DLGAP1: variants seen among roughly 807,000 people sequenced by gnomAD.
DLGAP1 encodes DLG associated protein 1.
DLGAP1 carries 11 observed loss-of-function variants against 90.8 expected under a neutral mutation model. The observed-to-expected ratio is 0.12, with a 90% CI of 0.08 to 0.20. The LOEUF is 0.20. Among genes scored for constraint, DLGAP1 ranks in the 10% least tolerant of loss-of-function variants. The pLI is 1.00. For missense variants in DLGAP1, 1,050 were observed against 1,333.8 expected, an observed-to-expected ratio of 0.79 and a Z score of 3.31; for synonymous variants, 558 against 540.7, an observed-to-expected ratio of 1.03 and a Z score of -0.44.
chr18:4,138,239 G>A (rs1396930954), intron 2 of DLGAP1, among the ~76,000 whole-genome samples: 1 of 152,024 alleles, frequency 6.6e-6, no homozygotes, highest in East Asian at 1.9e-4. Flanking sequence ...AATACTAGGT[G>A]TGGGTCTGTC....
At chr18:4,389,681 T>C (rs983991160) in intron 1 of DLGAP1, among the ~76,000 whole-genome samples, 7 of 152,214 alleles carry the variant, frequency 4.6e-5, no homozygotes, top group Admixed American at 1.3e-4. Flanking sequence ...GTACCTTTTA[T>C]AGTCAAAATA....
At chr18:4,208,132 C>A (rs1269415673) in intron 1 of DLGAP1, among the ~76,000 whole-genome samples, 1 of 152,264 alleles carries the variant, frequency 6.6e-6, no homozygotes, top group African/African-American at 2.4e-5. Context: ...ATTCTTGATA[C>A]AACAATCAGA....
At chr18:4,103,684 G>A (rs1252727064) in intron 2 of DLGAP1, among the ~76,000 whole-genome samples, 1 of 152,088 alleles carries the variant, frequency 6.6e-6, no homozygotes, top group Non-Finnish European at 1.5e-5. Flanking sequence ...TTATTGATAA[G>A]CACTTAATGT....
rs1333636136 is a variant in DLGAP1, at chr18:3,582,101, A to C, written c.1739T>G (p.Ile580Ser). 2 of 1,613,002 alleles carry C rather than the reference A, an allele frequency of 1.2e-6. No individual in the cohort carries two copies. Among genetic ancestry groups the C allele is most frequent in the Non-Finnish European group, 1.7e-6 (2 of 1,179,824 alleles). The change falls in exon 8 of 13, where the codon ATT becomes AGT. Residue 580 changes from isoleucine (I) to serine (S), a missense_variant. Ile to Ser is a moderately radical substitution (Grantham distance 142, BLOSUM62 -2). Coordinates refer to ENST00000315677, the MANE Select transcript of DLGAP1 (RefSeq NM_004746.4). The stretch of plus-strand genomic sequence containing the variant: ...GTTGCTGAGTCCAGACTGGCTGATA[A>C]TATCTCCTCGCTGGCCCTGTCCGTC... ...YMDGQGQRGD[I>S]ISQSGLSNST...
chr18:3,576,651 G>C (rs781474919), intron 8 of DLGAP1, among the ~76,000 whole-genome samples: 24 of 148,926 alleles, frequency 1.6e-4, no homozygotes, highest in Non-Finnish European at 2.7e-4. Context: ...TGCAACCTTC[G>C]CCTCCCAGGT....
chr18:3,828,032 G>A (rs983507006), intron 4 of DLGAP1, among the ~76,000 whole-genome samples: 75 of 152,252 alleles, frequency 4.9e-4, no homozygotes, highest in African/African-American at 1.7e-3. Context: ...TGGGCTCCTT[G>A]GTCTTTAGTT....
At position 4,256,400 on chromosome 18, in the gene DLGAP1, TAATAAATA is replaced by T. The variant is rs1031416670; in HGVS notation, c.-266-105121_-266-105114del. Reference sequence around the variant, plus strand: ...GGGTGACACAGTGAGATCCCCTCTATAATAAATAAATAAATACATAAAATAAAACAAAA... The same window carrying T: ...GGGTGACACAGTGAGATCCCCTCTATAATAAATACATAAAATAAAACAAAA... On this transcript the variant is annotated intron_variant, in intron 1 of 12. Transcript: ENST00000315677. Among the ~76,000 whole-genome samples, 3 of 152,236 alleles carry T rather than the reference TAATAAATA, an allele frequency of 2.0e-5. No individual in the cohort carries two copies. The South Asian group carries it at 6.2e-4, about 32-fold the overall frequency.
At chr18:3,691,362 A>G (rs2060889985) in intron 7 of DLGAP1, among the ~76,000 whole-genome samples, 1 of 151,250 alleles carries the variant, frequency 6.6e-6, no homozygotes, top group South Asian at 2.1e-4. Context: ...TGGGAGATGG[A>G]GGTTGCAGTG....
In DLGAP1 at chr18:3,983,392, T is replaced by C. The variant is rs1008689063; in HGVS notation, c.-73+21724A>G. The stretch of plus-strand genomic sequence containing the variant: ...CCAAATAAAGCTCATTTGCCTGATG[T>C]ACTCACTATGTGTCAGTATCTGCTT... On this transcript the variant is annotated intron_variant, in intron 3 of 12. Transcript: ENST00000315677. 5.9e-5 allele frequency: 9 copies of C among 152,234 alleles called. No individual in the cohort carries two copies. In the South Asian group the frequency reaches 6.2e-4, roughly 11 times the overall value. The allele number at this position is 152,234 out of a possible 1,614,324, so 9.4% of individuals were successfully genotyped here. A position where few individuals can be genotyped will look rare whatever the true frequency, so the allele number is the denominator to read the frequency against.
At chr18:3,870,739 G>C (rs1296892448) in intron 4 of DLGAP1, among the ~76,000 whole-genome samples, 1 of 152,062 alleles carries the variant, frequency 6.6e-6, no homozygotes, top group Non-Finnish European at 1.5e-5. Flanking sequence ...GATTTCAAAG[G>C]AGTGGAAGAT....
intron 1 of DLGAP1, among the ~76,000 whole-genome samples, chr18:4,246,448 T>G (rs1277015994): frequency 1.3e-5 from 2 of 152,148 alleles, no homozygotes; most frequent in African/African-American, 4.8e-5. Context: ...TGGGATATGG[T>G]CACACCTTTG....
intron 8 of DLGAP1, among the ~76,000 whole-genome samples, chr18:3,573,137 A>G (rs2054905237): frequency 6.6e-6 from 1 of 152,188 alleles, no homozygotes; most frequent in South Asian, 2.1e-4. Context: ...TAAGCATGTT[A>G]TTCCATAATT....
chr18:4,397,678 T>C (rs1343362090), intron 1 of DLGAP1, among the ~76,000 whole-genome samples: 1 of 152,212 alleles, frequency 6.6e-6, no homozygotes, highest in Non-Finnish European at 1.5e-5. Context: ...CTGGAATTAT[T>C]TGAGCTGAAA....
intron 4 of DLGAP1, among the ~76,000 whole-genome samples, chr18:3,850,554 C>G (rs980861793): frequency 1.3e-5 from 2 of 152,174 alleles, no homozygotes; most frequent in African/African-American, 4.8e-5. Flanking sequence ...ACACAAAGAA[C>G]TTTTGGTAGG....
chr18:3,916,225 T>C (rs1307780964), intron 3 of DLGAP1, among the ~76,000 whole-genome samples: 1 of 152,140 alleles, frequency 6.6e-6, no homozygotes, highest in Non-Finnish European at 1.5e-5. Context: ...ACGGTCACAG[T>C]TGCACCAGCC....
intron 1 of DLGAP1, among the ~76,000 whole-genome samples, chr18:4,161,739 G>A (rs1003573841): frequency 6.6e-6 from 1 of 152,208 alleles, no homozygotes; most frequent in Admixed American, 6.5e-5. Context: ...GCCACAAAAT[G>A]TAACTCTGTT....
chr18:3,577,642 G>C (rs1212319738), intron 8 of DLGAP1, among the ~76,000 whole-genome samples: 1 of 152,202 alleles, frequency 6.6e-6, no homozygotes, highest in Non-Finnish European at 1.5e-5. Flanking sequence ...CAAGAATGGA[G>C]GATATTGTTC....
At chr18:4,445,208 G>C (rs1187811311) in intron 1 of DLGAP1, among the ~76,000 whole-genome samples, 1 of 151,892 alleles carries the variant, frequency 6.6e-6, no homozygotes, top group Non-Finnish European at 1.5e-5. Context: ...CAAATGCTTA[G>C]ATGTTCCAGT....
At chr18:4,128,369 G>A (rs141510310) in intron 2 of DLGAP1, among the ~76,000 whole-genome samples, 7 of 152,236 alleles carry the variant, frequency 4.6e-5, no homozygotes, top group East Asian at 1.9e-4. Flanking sequence ...TTATACAAGA[G>A]ACTTGAGCAT....
Sources: allele counts gnomAD v4.1 joint callset (sites outside exome capture counted in the v4.1 genomes callset), GRCh38; gene constraint gnomAD v4.1.1; transcripts MANE v1.5; gene names NCBI Gene and HGNC (gene_info 2026-07-23, HGNC 2026-07-21).